Variants in ESAM observed in about 807,000 individuals in gnomAD.
The protein encoded by ESAM is endothelial cell-selective adhesion molecule.
In ESAM, 23 loss-of-function variants were observed where a neutral mutation model predicts 31.8. The ratio of observed to expected loss-of-function variants is 0.72; its 90% CI spans 0.52 to 1.03. ESAM has a LOEUF of 1.03. Among genes scored for constraint, ESAM ranks in the 50% least tolerant of loss-of-function variants. The probability of loss-of-function intolerance (pLI) is 0.00; values close to 1 mark genes in which losing one functional copy is unlikely to be tolerated. For synonymous variants in ESAM, 216 were observed against 207.2 expected, an observed-to-expected ratio of 1.04 and a Z score of -0.37; for missense variants, 478 against 488.9, an observed-to-expected ratio of 0.98 and a Z score of 0.21.
In ESAM at chr11:124,753,925, G is replaced by C; in HGVS notation, c.894C>G (p.Pro298=). 1.2e-6 allele frequency: 2 copies of C among 1,613,978 alleles called. No individual in the cohort carries two copies. Among genetic ancestry groups the C allele is most frequent in the Non-Finnish European group, 1.7e-6 (2 of 1,180,010 alleles). Residue 298 remains proline (P), a synonymous_variant, in exon 7 of 7, where the codon CCC becomes CCG. Transcript: ENST00000278927. Reference sequence around the variant, plus strand: ...TCTTGGAGATTGTGTCTGAGCTCTTGGGCCAGGGCAGGGTCCGGGGAGCAA... The same window carrying C: ...TCTTGGAGATTGTGTCTGAGCTCTTCGGCCAGGGCAGGGTCCGGGGAGCAA... ...DAIAPRTLPW[P]KSSDTISKNG... is the part of the protein sequence containing the mutation.
In ESAM at chr11:124,753,186, T is replaced by A. The variant is rs1390142878; in HGVS notation, c.*460A>T. The stretch of plus-strand genomic sequence containing the variant: ...TAAATTTGCAAATGAAAACAACACA[T>A]ATTTCATGTTAGTTTTAATAAGAGA... On this transcript the variant is annotated 3_prime_UTR_variant, in exon 7 of 7. Transcript: ENST00000278927. 2.4e-5 allele frequency: 4 copies of A among 169,250 alleles called. No homozygotes were observed. The East Asian group carries it at 6.5e-4, about 28-fold the overall frequency. 10.5% of individuals were successfully genotyped at this position (169,250 alleles called of 1,614,324 possible).
chr11:124,758,154 A>G (rs1944178529), intron 2 of ESAM, among the ~76,000 whole-genome samples, 195 bp downstream of exon 2: 1 of 152,138 alleles, frequency 6.6e-6, no homozygotes, highest in South Asian at 2.1e-4. Context: ...TTTTTAGGGA[A>G]AGCCGGCAAA....
rs568557239 is a variant in ESAM, at chr11:124,753,726, C to T, written c.1093G>A (p.Val365Ile). 1 of 1,614,024 alleles carries T rather than the reference C, an allele frequency of 6.2e-7. No homozygotes were observed. The highest frequency in any genetic ancestry group is 1.3e-5 in the African/African-American group (1 of 74,936). ...ATGCGGCTCAAGCCAGAGGAAGAAACCCCACCAGGGATGGGGGATATTGGT... is the reference window on the plus strand; with the variant it reads ...ATGCGGCTCAAGCCAGAGGAAGAAATCCCACCAGGGATGGGGGATATTGGT... ...PQPISPIPGG[V>I]SSSGLSRMGA... Residue 365 changes from valine to isoleucine, a missense_variant, in exon 7 of 7, where the codon GTT (valine) becomes ATT (isoleucine). Physicochemically the swap from Val to Ile is conservative, Grantham distance 29. Coordinates refer to ENST00000278927, the MANE Select transcript of ESAM (RefSeq NM_138961.3).
At position 124,754,267 on chromosome 11, in the gene ESAM, G is replaced by C. The variant is rs760973934; in HGVS notation, c.804C>G (p.Val268=). 2 of 1,613,928 alleles carry C rather than the reference G, an allele frequency of 1.2e-6. No individual in the cohort carries two copies. The highest frequency in any genetic ancestry group is 2.2e-5 in the East Asian group (1 of 44,836). Residue 268 remains valine, a synonymous_variant, in exon 6 of 7, where the codon GTC becomes GTG. Transcript: ENST00000278927. This position sits in a 1 kb window ranked among gnomAD's most constrained non-coding sequence, Gnocchi z 4.5. ...LVGLGLLAGL[V]LLYHRRGKAL... is the part of the protein sequence containing the mutation. Reference sequence around the variant, plus strand: ...CCTTGCCCCGGCGGTGGTACAAGAGGACCAGCCCAGCCAGCAACCCCAGTC... The same window carrying C: ...CCTTGCCCCGGCGGTGGTACAAGAGCACCAGCCCAGCCAGCAACCCCAGTC...
In ESAM at chr11:124,754,201, C is replaced by T. The variant is rs1944126976; in HGVS notation, c.857+13G>A. On this transcript the variant is annotated intron_variant, in intron 6 of 6. Coordinates refer to ENST00000278927, the MANE Select transcript of ESAM (RefSeq NM_138961.3). The surrounding 1 kb of genome is among the most constrained non-coding windows in gnomAD (Gnocchi z 4.5). ...GGAGAGCCCCCGCTGCAGCAGACAC[C>T]AGGGACACTTACTTGATATCATTGG... 6.2e-7 allele frequency: 1 copy of T among 1,612,820 alleles called. No individual in the cohort carries two copies. The highest frequency in any genetic ancestry group is 1.7e-5 in the Admixed American group (1 of 59,884).
At position 124,759,674 on chromosome 11, in the gene ESAM, C is replaced by G. The variant is rs1591430781; in HGVS notation, c.71-1147G>C. Reference sequence around the variant, plus strand: ...ATCCGGCCAGGATGCAAGCCTCCCCCACCGCTTCCCGGCTGCGCCGTACAG... The same window carrying G: ...ATCCGGCCAGGATGCAAGCCTCCCCGACCGCTTCCCGGCTGCGCCGTACAG... On this transcript the variant is annotated intron_variant, in intron 1 of 6. Transcript: ENST00000278927. This position sits in a 1 kb window ranked among gnomAD's most constrained non-coding sequence, Gnocchi z 6.8. Among the ~76,000 whole-genome samples the G allele has an allele frequency of 6.6e-6, 1 of 152,362 alleles. No homozygotes were observed. The highest frequency in any genetic ancestry group is 1.5e-5 in the Non-Finnish European group (1 of 68,034).
At position 124,753,582 on chromosome 11, in the gene ESAM, G is replaced by T; in HGVS notation, c.*64C>A. The T allele has an allele frequency of 6.4e-7, 1 of 1,569,968 alleles. No individual in the cohort carries two copies. ...TCTTTCCCATGACTCAGGCCTCTGT[G>T]CTAGAGGTGACCCTTATAGGAAGGA... is the stretch of plus-strand genomic sequence containing the variant. On this transcript the variant is annotated 3_prime_UTR_variant, in exon 7 of 7. Transcript: ENST00000278927.
Position 124,756,560 on chromosome 11 carries a change from G to A in ESAM, c.432C>T (p.Thr144=). ...ACTCACCCAGTACATTGAGTTCTAA[G>A]GTTTTGATGCTGTGGCCCCTAGATT... The part of the protein sequence containing the change: ...QGKSRGHSIK[T]LELNVLVPPA... Residue 144 remains threonine (T), a synonymous_variant, in exon 3 of 7, where the codon ACC becomes ACT. Transcript: ENST00000278927. 6.2e-7 allele frequency: 1 copy of A among 1,614,082 alleles called. No individual in the cohort carries two copies. Among genetic ancestry groups the A allele is most frequent in the Non-Finnish European group, 8.5e-7 (1 of 1,180,026 alleles).
At position 124,762,201 on chromosome 11, in the gene ESAM, C is replaced by T. The variant is rs979192649; in HGVS notation, c.-47G>A. The T allele has an allele frequency of 4.0e-6, 6 of 1,499,716 alleles. No individual in the cohort carries two copies. The highest frequency in any genetic ancestry group is 2.4e-5 in the East Asian group (1 of 41,630). The allele number at this position is 1,499,716 out of a possible 1,614,324, so 92.9% of individuals were successfully genotyped here. ...AGTCAGGGGCGCCAGCCGCGGGACG[C>T]ACGGACCTGCAGGTGCCGAGGCTGC... On this transcript the variant is annotated 5_prime_UTR_variant, in exon 1 of 7. Coordinates refer to ENST00000278927, the MANE Select transcript of ESAM (RefSeq NM_138961.3). The surrounding 1 kb of genome is among the most constrained non-coding windows in gnomAD (Gnocchi z 6.4).
chr11:124,760,045 T>C (rs570973739), intron 1 of ESAM, among the ~76,000 whole-genome samples: 2 of 152,306 alleles, frequency 1.3e-5, no homozygotes, highest in African/African-American at 4.8e-5. Context: ...TCCTTCACCT[T>C]GTGGACCACC....
Position 124,756,197 on chromosome 11 carries a change from G to A in ESAM, c.607+10C>T, listed in dbSNP as rs763791454. 9 of 1,613,116 alleles carry A rather than the reference G, an allele frequency of 5.6e-6. No homozygotes were observed. The South Asian group carries it at 6.6e-5, about 12-fold the overall frequency. The stretch of plus-strand genomic sequence containing the variant: ...GCCACAGTGTCCACTGTTTCCAGTA[G>A]TGTCCTCACCTAATGCTGGTGCAAA... On this transcript the variant is annotated intron_variant, in intron 4 of 6. Transcript: ENST00000278927.
At position 124,754,679 on chromosome 11, in the gene ESAM, C is replaced by A. The variant is rs573143370; in HGVS notation, c.692G>T (p.Gly231Val). 1 of 1,614,052 alleles carries A rather than the reference C, an allele frequency of 6.2e-7. No individual in the cohort carries two copies. Residue 231 changes from glycine (G) to valine (V), a missense_variant, in exon 5 of 7, where the codon GGC becomes GTC. Physicochemically the swap from Gly to Val is moderately radical, Grantham distance 109. Coordinates refer to ENST00000278927, the MANE Select transcript of ESAM (RefSeq NM_138961.3). The surrounding 1 kb of genome is among the most constrained non-coding windows in gnomAD (Gnocchi z 4.5). ...CAGCGTCACATTACATTGGGCAGTG[C>A]CCACCTCATTGTGGGCCTTGCAGAC... ...VYVCKAHNEVGTAQCNVTLEV... is the reference protein window; with the variant it reads ...VYVCKAHNEVVTAQCNVTLEV...
chr11:124,761,753 T>C (rs546669357), intron 1 of ESAM, among the ~76,000 whole-genome samples: 13 of 130,776 alleles, frequency 9.9e-5, no homozygotes, highest in Non-Finnish European at 1.3e-4. Context: ...GTGTCTCATC[T>C]AGCGGCTCAG....
intron 1 of ESAM, among the ~76,000 whole-genome samples, chr11:124,760,150 C>T (rs1258103672): frequency 6.6e-6 from 1 of 152,232 alleles, no homozygotes; most frequent in East Asian, 1.9e-4. Flanking sequence ...GGTCTGGGCA[C>T]ATGCTCCTTG....
At chr11:124,757,453 C>G (rs1944169442) in intron 2 of ESAM, 1 of 152,422 alleles carries the variant, frequency 6.6e-6, no homozygotes, top group Admixed American at 6.5e-5. Context: ...AGCTGACTTC[C>G]TTGAACACAG....
rs1419705476 is a variant in ESAM at position 124,762,115 on chromosome 11, G to T, written c.40C>A (p.Arg14=). Residue 14 remains arginine, a synonymous_variant, in exon 1 of 7, where the codon CGG becomes AGG. Coordinates refer to ENST00000278927, the MANE Select transcript of ESAM (RefSeq NM_138961.3). This position sits in a 1 kb window ranked among gnomAD's most constrained non-coding sequence, Gnocchi z 6.4. ...GCACTCAGCCCCAGGAACAAAAACC[G>T]CAGCAAGTTGGTCACCAGGGGCCCC... is the stretch of plus-strand genomic sequence containing the variant. ...LPGPLVTNLL[R]FLFLGLSALA... The T allele has an allele frequency of 4.4e-6, 7 of 1,609,068 alleles. No homozygotes were observed. Among genetic ancestry groups the T allele is most frequent in the Non-Finnish European group, 5.9e-6 (7 of 1,177,612 alleles).
rs754585452 is a variant in ESAM, at chr11:124,754,603, T to C, written c.730+38A>G. 2.0e-5 allele frequency: 32 copies of C among 1,591,840 alleles called. No individual in the cohort carries two copies. The highest frequency in any genetic ancestry group is 4.5e-5 in the East Asian group (2 of 44,570). On this transcript the variant is annotated intron_variant, in intron 5 of 6. Transcript: ENST00000278927. This position sits in a 1 kb window ranked among gnomAD's most constrained non-coding sequence, Gnocchi z 4.5. ...CCCACTTGCAACCCCTCCCCCACCA[T>C]TGACCACTCTTCTTAACCACACTTA...
At position 124,756,248 on chromosome 11, in the gene ESAM, C is replaced by T. The variant is rs200015552; in HGVS notation, c.566G>A (p.Arg189Gln). The T allele has an allele frequency of 3.7e-6, 6 of 1,614,138 alleles. No homozygotes were observed. The highest frequency in any genetic ancestry group is 1.7e-5 in the Admixed American group (1 of 60,026). ...GAAAGTCTGGAAGGATGGAAGCTGCCGATCCCACTGGTATTGGACAGCGGG... is the reference window on the plus strand; with the variant it reads ...GAAAGTCTGGAAGGATGGAAGCTGCTGATCCCACTGGTATTGGACAGCGGG... ...SKPAVQYQWD[R>Q]QLPSFQTFFA... The change falls in exon 4 of 7, where the codon CGG becomes CAG. Residue 189 changes from arginine to glutamine, a missense_variant. Transcript: ENST00000278927.
rs745435981 is a variant in ESAM at position 124,754,250 on chromosome 11, C to T, written c.821G>A (p.Arg274Gln). ...LAGLVLLYHR[R>Q]GKALEEPAND... ...GGCTGGCTCCTCCAGGGCCTTGCCC[C>T]GGCGGTGGTACAAGAGGACCAGCCC... The change falls in exon 6 of 7, where the codon CGG (arginine) becomes CAG (glutamine). Residue 274 changes from arginine to glutamine, a missense_variant. Coordinates refer to ENST00000278927, the MANE Select transcript of ESAM (RefSeq NM_138961.3). This position sits in a 1 kb window ranked among gnomAD's most constrained non-coding sequence, Gnocchi z 4.5. The T allele has an allele frequency of 3.3e-5, 54 of 1,613,882 alleles. 1 individual carries two copies. The Admixed American group carries it at 4.5e-4, about 13-fold the overall frequency.
Sources: gnomAD v4.1 joint callset for allele counts (sites outside exome capture counted in the v4.1 genomes callset) on GRCh38, gnomAD v4.1.1 for gene constraint, Gnocchi (gnomAD v3.1) non-coding constraint, MANE v1.5 for transcripts, NCBI Gene and HGNC (gene_info 2026-07-23, HGNC 2026-07-21) for gene names.